The following SUSD5 variants were observed in gnomAD, a reference collection of about 807,000 sequenced individuals.
SUSD5 encodes the protein sushi domain-containing protein 5.
In SUSD5, 33 loss-of-function variants were observed where a neutral mutation model predicts 29.5. The observed-to-expected ratio is 1.12, with a 90% CI of 0.85 to 1.49. The LOEUF (loss-of-function observed/expected upper bound fraction) is 1.49, where lower values mean the gene tolerates loss of function less well. Ranked by LOEUF, SUSD5 falls within the 40% of genes most tolerant of loss-of-function variation. SUSD5 has a pLI of 0.00. For synonymous variants in SUSD5, 308 were observed against 325.3 expected, an observed-to-expected ratio of 0.95 and a Z score of 0.57; for missense variants, 776 against 800.6, an observed-to-expected ratio of 0.97 and a Z score of 0.37.
intron 1 of SUSD5, among the ~76,000 whole-genome samples, chr3:33,214,575 T>C (rs2032391386): frequency 6.6e-6 from 1 of 152,094 alleles, no homozygotes; most frequent in African/African-American, 2.4e-5. Context: ...CTTAAGATAT[T>C]ACCAGGCCCC....
rs1353633082 is a variant in SUSD5, at chr3:33,151,169, T to C, written c.*1573A>G. ...ACAGGCTCTCAAACTTGAGTGCATATCAAAATCACCTGGAGGGCTTGTTAA... is the reference window on the plus strand; with the variant it reads ...ACAGGCTCTCAAACTTGAGTGCATACCAAAATCACCTGGAGGGCTTGTTAA... On this transcript the variant is annotated 3_prime_UTR_variant, in exon 5 of 5. Coordinates refer to ENST00000309558, the MANE Select transcript of SUSD5 (RefSeq NM_015551.2). The C allele has an allele frequency of 6.6e-6, 1 of 152,154 alleles. No homozygotes were observed. Among genetic ancestry groups the C allele is most frequent in the Non-Finnish European group, 1.5e-5 (1 of 68,022 alleles). The allele number at this position is 152,154 out of a possible 1,614,324, so 9.4% of individuals were successfully genotyped here.
intron 3 of SUSD5, among the ~76,000 whole-genome samples, chr3:33,198,972 C>G (rs760125869): frequency 2.0e-5 from 3 of 152,122 alleles, no homozygotes; most frequent in Non-Finnish European, 2.9e-5. Flanking sequence ...AGGCCCAGTT[C>G]TAAGCACAGA....
Position 33,153,064 on chromosome 3 carries a change from T to C in SUSD5, c.1568A>G (p.Glu523Gly), listed in dbSNP as rs1462420204. The change falls in exon 5 of 5, where the codon GAA becomes GGA. Residue 523 changes from glutamate to glycine, a missense_variant. Coordinates refer to ENST00000309558, the MANE Select transcript of SUSD5 (RefSeq NM_015551.2). The part of the protein sequence containing the change: ...TIMATTQPPV[E>G]TTVPEIQDSF... ...ATCCTGGATCTCAGGAACAGTGGTT[T>C]CTACTGGAGGCTGGGTGGTTGCCAT... 1.9e-6 allele frequency: 3 copies of C among 1,613,750 alleles called. No individual in the cohort carries two copies. In the African/African-American group the frequency reaches 4.0e-5, roughly 22 times the overall value.
At chr3:33,157,919 A>G (rs2031090087) in intron 4 of SUSD5, among the ~76,000 whole-genome samples, 1 of 152,248 alleles carries the variant, frequency 6.6e-6, no homozygotes, top group South Asian at 2.1e-4. Flanking sequence ...GTTTCATGCC[A>G]CTAAGTTTTT....
rs68055129 is a variant in SUSD5 at position 33,183,930 on chromosome 3, C to CTTTTTTTTTTTTTTTTTTTTTTTTT, written c.410-8881_410-8857dup. Among the ~76,000 whole-genome samples, 149 of 62,572 alleles carry CTTTTTTTTTTTTTTTTTTTTTTTTT rather than the reference C, an allele frequency of 2.4e-3. 10 individuals are homozygous for CTTTTTTTTTTTTTTTTTTTTTTTTT. Among genetic ancestry groups the CTTTTTTTTTTTTTTTTTTTTTTTTT allele is most frequent in the African/African-American group, 6.0e-3 (80 of 13,306 alleles). 41.0% of individuals were successfully genotyped at this position (62,572 alleles called of 152,430 possible). ...AACACTTTAAATATTTTATTACCCTCTTTTTTTTTTTTTTTTTTTTTTTTT... is the reference window on the plus strand; with the variant it reads ...AACACTTTAAATATTTTATTACCCTCTTTTTTTTTTTTTTTTTTTTTTTTTTTTTTTTTTTTTTTTTTTTTTTTTT... On this transcript the variant is annotated intron_variant, in intron 3 of 4. Coordinates refer to ENST00000309558, the MANE Select transcript of SUSD5 (RefSeq NM_015551.2).
At chr3:33,192,684 C>T (rs2031916918) in intron 3 of SUSD5, among the ~76,000 whole-genome samples, 1 of 151,880 alleles carries the variant, frequency 6.6e-6, no homozygotes, top group South Asian at 2.1e-4. Flanking sequence ...TGGTGCGTGC[C>T]TGTAGTCCCA....
At chr3:33,155,675 A>G (rs879930154) in intron 4 of SUSD5, among the ~76,000 whole-genome samples, 23 of 152,378 alleles carry the variant, frequency 1.5e-4, no homozygotes, top group South Asian at 1.4e-3. Flanking sequence ...CAGTTATGGT[A>G]TACTCAATGC....
chr3:33,198,504 C>A (rs2032040147), intron 3 of SUSD5, among the ~76,000 whole-genome samples: 2 of 152,234 alleles, frequency 1.3e-5, no homozygotes, highest in Non-Finnish European at 2.9e-5. Flanking sequence ...TCCTGATCTA[C>A]TGGACTGCAC....
intron 4 of SUSD5, among the ~76,000 whole-genome samples, chr3:33,164,571 A>G (rs994722173): frequency 6.6e-6 from 1 of 152,208 alleles, no homozygotes; most frequent in African/African-American, 2.4e-5. Context: ...GAAGGATACT[A>G]TGAAGAACAT....
chr3:33,163,952 A>T (rs189107653), intron 4 of SUSD5, among the ~76,000 whole-genome samples: 1 of 152,344 alleles, frequency 6.6e-6, no homozygotes, highest in African/African-American at 2.4e-5. Context: ...GTGAGCCGAG[A>T]TCGCACCACT....
intron 2 of SUSD5, among the ~76,000 whole-genome samples, chr3:33,209,601 CCTCT>C (rs2032284530): frequency 6.7e-6 from 1 of 149,226 alleles, no homozygotes; most frequent in East Asian, 2.0e-4. Context: ...TTCCTTCCTT[CCTCT>C]TTCTCTCTTC....
At position 33,204,958 on chromosome 3, in the gene SUSD5, T is replaced by C. The variant is rs1384874111; in HGVS notation, c.409+2850A>G. On this transcript the variant is annotated intron_variant, in intron 3 of 4. Transcript: ENST00000309558. This position sits in a 1 kb window ranked among gnomAD's most constrained non-coding sequence, Gnocchi z 4.5. Reference sequence around the variant, plus strand: ...TGCTTTATCATTCTCTTCTCTCTCTTCCTCTCTCCACACCTCTTCCTCTCT... The same window carrying C: ...TGCTTTATCATTCTCTTCTCTCTCTCCCTCTCTCCACACCTCTTCCTCTCT... Among the ~76,000 whole-genome samples the C allele has an allele frequency of 6.6e-6, 1 of 151,976 alleles. No homozygotes were observed. Among genetic ancestry groups the C allele is most frequent in the Admixed American group, 6.6e-5 (1 of 15,242 alleles).
chr3:33,203,558 T>A (rs1379997640), intron 3 of SUSD5, among the ~76,000 whole-genome samples: 1 of 152,208 alleles, frequency 6.6e-6, no homozygotes, highest in East Asian at 1.9e-4. Flanking sequence ...TGCCTGCTCT[T>A]TTCAAATGGC....
intron 4 of SUSD5, chr3:33,168,456 T>C (rs2031352711): frequency 2.2e-6 from 2 of 914,904 alleles, no homozygotes; most frequent in Non-Finnish European, 2.6e-6. Flanking sequence ...AAAACAGAAA[T>C]AGAAGTTAAT....
intron 3 of SUSD5, among the ~76,000 whole-genome samples, chr3:33,192,985 T>C (rs1395352006): frequency 7.9e-5 from 10 of 126,892 alleles, no homozygotes. Flanking sequence ...TTTCCAGTCT[T>C]TTGCACTGAA....
chr3:33,169,486 G>A (rs1393431147), intron 4 of SUSD5, among the ~76,000 whole-genome samples: 2 of 152,194 alleles, frequency 1.3e-5, no homozygotes, highest in African/African-American at 4.8e-5. Context: ...CTCCCAAAGT[G>A]CTGGGATTAC....
intron 1 of SUSD5, 94 bp downstream of exon 1, chr3:33,218,592 C>T (rs1005328674): frequency 8.9e-7 from 1 of 1,121,176 alleles, no homozygotes; most frequent in Non-Finnish European, 1.1e-6. Context: ...TGCCGCTTGC[C>T]GGGCCGGTCA....
At chr3:33,206,958 T>C (rs1373864101) in intron 3 of SUSD5, among the ~76,000 whole-genome samples, 1 of 151,966 alleles carries the variant, frequency 6.6e-6, no homozygotes, top group Non-Finnish European at 1.5e-5. Flanking sequence ...GAAGAACCTG[T>C]GCTCGTTTCT....
chr3:33,198,421 T>G (rs1398875462), intron 3 of SUSD5, among the ~76,000 whole-genome samples: 1 of 152,222 alleles, frequency 6.6e-6, no homozygotes, highest in Non-Finnish European at 1.5e-5. Context: ...AACACCATGG[T>G]TTAGCTCTGA....
Sources: gnomAD v4.1 joint callset for allele counts (sites outside exome capture counted in the v4.1 genomes callset) on GRCh38, gnomAD v4.1.1 for gene constraint, Gnocchi (gnomAD v3.1) non-coding constraint, MANE v1.5 for transcripts, NCBI Gene and HGNC (gene_info 2026-07-23, HGNC 2026-07-21) for gene names.